Variants in OCA2 observed in about 807,000 individuals in gnomAD.
OCA2 encodes OCA2 melanosomal transmembrane protein.
A neutral mutation model predicts 100.2 loss-of-function variants in OCA2; 77 were observed. The observed-to-expected ratio is 0.77, with a 90% confidence interval of 0.64 to 0.93. The LOEUF (loss-of-function observed/expected upper bound fraction) is 0.93. Ranked by LOEUF, OCA2 falls within the 40% of genes least tolerant of loss-of-function variation. OCA2 has a pLI of 0.00. For synonymous variants in OCA2, 432 were observed against 439.2 expected (o/e 0.98, Z 0.21); for missense variants, 1,062 against 1,089.1 (o/e 0.98, Z 0.35).
At chr15:28,072,531 A>G (rs2044293927) in intron 2 of OCA2, among the ~76,000 whole-genome samples, 1 of 146,066 alleles carries the variant, frequency 6.8e-6, no homozygotes, top group Non-Finnish European at 1.5e-5. Flanking sequence ...CAGAGCTTGC[A>G]GTGAGCTGAG....
At chr15:27,735,705 T>C in the OCA2 span, among the ~76,000 whole-genome samples, 5 of 151,982 alleles carry the variant, frequency 3.3e-5, no homozygotes, top group Admixed American at 6.6e-5. Flanking sequence ...AGTAAGATGC[T>C]ATATTAAAAG....
intron 21 of OCA2, among the ~76,000 whole-genome samples, chr15:27,858,738 A>T (rs1287564329): frequency 6.6e-6 from 1 of 152,184 alleles, no homozygotes; most frequent in Non-Finnish European, 1.5e-5. Flanking sequence ...GGAGAAATAG[A>T]TATTTCTACT....
chr15:27,808,802 G>A (rs1358003441), intron 23 of OCA2, among the ~76,000 whole-genome samples: 6 of 152,144 alleles, frequency 3.9e-5, no homozygotes, highest in African/African-American at 1.4e-4. Flanking sequence ...AGCTTCTCAT[G>A]GGGATCCCTA....
intron 23 of OCA2, among the ~76,000 whole-genome samples, chr15:27,835,710 T>G (rs1462067727): frequency 6.6e-6 from 1 of 152,336 alleles, no homozygotes; most frequent in South Asian, 2.1e-4. Flanking sequence ...GGCAATGATA[T>G]GCAATGGCGT....
At chr15:28,021,879 G>A (rs943680448) in intron 6 of OCA2, among the ~76,000 whole-genome samples, 3 of 152,172 alleles carry the variant, frequency 2.0e-5, no homozygotes, top group Non-Finnish European at 4.4e-5. Context: ...AGCTGGCAGG[G>A]CGCCCGGTAA....
intron 19 of OCA2, among the ~76,000 whole-genome samples, chr15:27,892,518 T>C (rs2037504816): frequency 7.2e-6 from 1 of 139,014 alleles, no homozygotes; most frequent in Admixed American, 7.2e-5. Context: ...TGAATTTTAA[T>C]GAAAATGCAA....
chr15:28,044,023 C>G (rs2043277367), intron 2 of OCA2, among the ~76,000 whole-genome samples: 1 of 152,182 alleles, frequency 6.6e-6, no homozygotes, highest in African/African-American at 2.4e-5. Flanking sequence ...GATGGGCAGA[C>G]AGTACCTCCA....
At chr15:28,081,116 A>T (rs2044608303) in intron 2 of OCA2, among the ~76,000 whole-genome samples, 1 of 152,162 alleles carries the variant, frequency 6.6e-6, no homozygotes, top group African/African-American at 2.4e-5. Context: ...GGGATGGTGG[A>T]AAAGTAACTA....
intron 1 of OCA2, among the ~76,000 whole-genome samples, chr15:28,089,282 T>C (rs1465778305): frequency 1.3e-5 from 2 of 152,198 alleles, no homozygotes; most frequent in African/African-American, 4.8e-5. Context: ...CACAGGGTCC[T>C]GAGGTGACAT....
At chr15:27,727,707 T>G in the OCA2 span, among the ~76,000 whole-genome samples, 1 of 151,940 alleles carries the variant, frequency 6.6e-6, no homozygotes. Flanking sequence ...CTGCAGACAG[T>G]GAAGTGAGTA....
At chr15:27,742,521 G>A in the OCA2 span, among the ~76,000 whole-genome samples, 5 of 152,130 alleles carry the variant, frequency 3.3e-5, no homozygotes, top group African/African-American at 7.2e-5. Flanking sequence ...GAAGAAGCAC[G>A]ATGGCAGAGC....
intron 9 of OCA2, among the ~76,000 whole-genome samples, chr15:28,012,047 G>A (rs1379890918): frequency 6.7e-6 from 1 of 149,240 alleles, no homozygotes; most frequent in Non-Finnish European, 1.5e-5. Flanking sequence ...ATATCCAACA[G>A]TCTGTATATC....
chr15:27,937,397 A>T (rs891102434), intron 18 of OCA2, among the ~76,000 whole-genome samples: 1 of 152,240 alleles, frequency 6.6e-6, no homozygotes, highest in Non-Finnish European at 1.5e-5. Context: ...GCAAATGTAC[A>T]TATTTTTGTT....
intron 12 of OCA2, among the ~76,000 whole-genome samples, chr15:27,986,308 A>G (rs539366653): frequency 1.3e-5 from 2 of 152,362 alleles, no homozygotes; most frequent in East Asian, 3.9e-4. Context: ...TTTGATGTGT[A>G]GCTCTCACCA....
chr15:27,989,737 T>G, intron 10 of OCA2, 71 bp from the exon 11 acceptor site: 5 of 1,335,026 alleles, frequency 3.7e-6, no homozygotes, highest in Non-Finnish European at 4.3e-6. Context: ...AATGAAGCGC[T>G]GCCCCCTGCT....
chr15:27,784,897 G>C (rs201725478), intron 23 of OCA2, among the ~76,000 whole-genome samples: 41,563 of 102,676 alleles, frequency 0.4, 6,598 homozygotes, highest in African/African-American at 0.49. Context: ...GAGAGACAGA[G>C]AGAGAGAGAG....
At chr15:27,758,080 A>G (rs2030530109) in intron 23 of OCA2, among the ~76,000 whole-genome samples, 1 of 152,196 alleles carries the variant, frequency 6.6e-6, no homozygotes, top group South Asian at 2.1e-4. Flanking sequence ...ATAGAAAACA[A>G]GCATAAGGAG....
chr15:27,811,692 G>A (rs1023020674), intron 23 of OCA2, among the ~76,000 whole-genome samples: 7 of 152,170 alleles, frequency 4.6e-5, no homozygotes, highest in African/African-American at 9.7e-5. Flanking sequence ...GGGCCGTGGC[G>A]TGTCTGGGGT....
intron 18 of OCA2, among the ~76,000 whole-genome samples, chr15:27,949,657 T>C (rs1172376521): frequency 6.6e-6 from 1 of 152,126 alleles, no homozygotes; most frequent in African/African-American, 2.4e-5. Context: ...AGTGAGACTC[T>C]GTCTCAAAAA....
Sources: gnomAD v4.1 joint callset for allele counts (sites outside exome capture counted in the v4.1 genomes callset) on GRCh38, gnomAD v4.1.1 for gene constraint, MANE v1.5 for transcripts, NCBI Gene and HGNC (gene_info 2026-07-23, HGNC 2026-07-21) for gene names.